PRKCQ: variants seen among roughly 807,000 people sequenced by gnomAD.
PRKCQ encodes protein kinase C theta, also known as protein kinase C theta type.
In PRKCQ, 41 loss-of-function variants were observed where a neutral mutation model predicts 91.2. The observed-to-expected ratio is 0.45, with a 90% CI of 0.35 to 0.58. The LOEUF is 0.58. PRKCQ is among the 20% of genes least tolerant of loss of function. The pLI is 0.00. For synonymous variants in PRKCQ, 307 were observed against 316.9 expected, an observed-to-expected ratio of 0.97 and a Z score of 0.33; for missense variants, 673 against 896.5, an observed-to-expected ratio of 0.75 and a Z score of 3.18.
rs191916091 is a variant in PRKCQ, at chr10:6,508,671, C to T, written c.319-1175G>A. On this transcript the variant is annotated intron_variant, in intron 3 of 17. Transcript: ENST00000263125. ...TGTGAATAAGGAGTAAAGATGGAGG[C>T]AAAAATGGAGATGGAAGAGCTATGG... Among the ~76,000 whole-genome samples, 8 of 152,136 alleles carry T rather than the reference C, an allele frequency of 5.3e-5. No individual in the cohort carries two copies. The East Asian group carries it at 1.5e-3, about 29-fold the overall frequency.
intron 15 of PRKCQ, among the ~76,000 whole-genome samples, chr10:6,451,199 AAG>A (rs1351907200): frequency 2.7e-5 from 4 of 149,400 alleles, no homozygotes; most frequent in Non-Finnish European, 4.4e-5. Context: ...TAAAGAAAAA[AAG>A]AGAGAAGAAT....
intron 1 of PRKCQ, among the ~76,000 whole-genome samples, chr10:6,536,563 T>A (rs1839589034): frequency 6.6e-6 from 1 of 152,220 alleles, no homozygotes. Context: ...AAATACGATT[T>A]TATTATTATG....
At chr10:6,538,930 A>AT (rs1839679745) in intron 1 of PRKCQ, among the ~76,000 whole-genome samples, 1 of 151,944 alleles carries the variant, frequency 6.6e-6, no homozygotes, top group East Asian at 1.9e-4. Flanking sequence ...CGCCCAGCTA[A>AT]TTTTTTGTAT....
intron 4 of PRKCQ, among the ~76,000 whole-genome samples, chr10:6,499,915 C>T (rs906664160): frequency 6.6e-6 from 1 of 152,160 alleles, no homozygotes; most frequent in African/African-American, 2.4e-5. Flanking sequence ...CAGCCACATC[C>T]CAGGACACAT....
intron 4 of PRKCQ, among the ~76,000 whole-genome samples, chr10:6,499,545 T>G (rs1258536871): frequency 6.6e-6 from 1 of 152,066 alleles, no homozygotes; most frequent in Non-Finnish European, 1.5e-5. Context: ...TCCACTGCTG[T>G]AACAAAAATG....
Position 6,571,757 on chromosome 10 carries a change from T to C in PRKCQ, c.-10+8454A>G, listed in dbSNP as rs735238. Reference sequence around the variant, plus strand: ...AGGCAGATGTTGCAGTGAGCCGAGATTGAGTCACAGCACTCCAACCTGAGC... The same window carrying C: ...AGGCAGATGTTGCAGTGAGCCGAGACTGAGTCACAGCACTCCAACCTGAGC... On this transcript the variant is annotated intron_variant, in intron 1 of 17. Coordinates refer to ENST00000263125, the MANE Select transcript of PRKCQ (RefSeq NM_006257.5). Among the ~76,000 whole-genome samples, 1,444 of 152,142 alleles carry C rather than the reference T, an allele frequency of 9.5e-3. 26 individuals are homozygous for C. The highest frequency in any genetic ancestry group is 0.033 in the African/African-American group (1,383 of 41,476).
At chr10:6,397,284 C>T in the PRKCQ span, among the ~76,000 whole-genome samples, 2 of 152,034 alleles carry the variant, frequency 1.3e-5, no homozygotes, top group African/African-American at 2.4e-5. Flanking sequence ...GTAGTAGAGA[C>T]GGGGTTTCAC....
intron 11 of PRKCQ, 70 bp from the exon 12 acceptor site, chr10:6,479,235 T>C: frequency 6.4e-7 from 1 of 1,553,340 alleles, no homozygotes; most frequent in Admixed American, 1.7e-5. Flanking sequence ...AGAGACAGAG[T>C]CCTGAGAGAC....
At chr10:6,419,463 C>A in the PRKCQ span, among the ~76,000 whole-genome samples, 1 of 145,716 alleles carries the variant, frequency 6.9e-6, no homozygotes, top group Non-Finnish European at 1.6e-5. Context: ...CACACACATA[C>A]CCTCCATGCT....
chr10:6,472,190 C>T (rs1325902841), intron 12 of PRKCQ, among the ~76,000 whole-genome samples: 1 of 151,934 alleles, frequency 6.6e-6, no homozygotes, highest in African/African-American at 2.4e-5. Context: ...CGCCTGTAGT[C>T]CCAGCTACTT....
intron 1 of PRKCQ, among the ~76,000 whole-genome samples, chr10:6,526,189 C>T (rs1571966): frequency 6.6e-6 from 1 of 152,200 alleles, no homozygotes; most frequent in African/African-American, 2.4e-5. Flanking sequence ...ATTCTTTCTT[C>T]TTCTTCCTCA....
At chr10:6,501,587 C>T (rs1223634469) in intron 4 of PRKCQ, among the ~76,000 whole-genome samples, 2 of 151,574 alleles carry the variant, frequency 1.3e-5, no homozygotes, top group Admixed American at 6.6e-5. Context: ...TTTGGGAGGC[C>T]GAGGCAGGCA....
chr10:6,509,699 A>T (rs1361416310), intron 3 of PRKCQ, among the ~76,000 whole-genome samples: 1 of 152,164 alleles, frequency 6.6e-6, no homozygotes, highest in Admixed American at 6.5e-5. Flanking sequence ...ATGAGCCACC[A>T]CACCCGGCCC....
chr10:6,458,200 C>T (rs1363616527), intron 14 of PRKCQ, among the ~76,000 whole-genome samples: 2 of 152,186 alleles, frequency 1.3e-5, no homozygotes, highest in African/African-American at 4.8e-5. Flanking sequence ...ACTCAAAATG[C>T]TGGGATTATA....
intron 11 of PRKCQ, among the ~76,000 whole-genome samples, chr10:6,482,824 C>A (rs1191581468): frequency 6.6e-6 from 1 of 151,578 alleles, no homozygotes; most frequent in Non-Finnish European, 1.5e-5. Flanking sequence ...TGTAGGGAAA[C>A]TCCTCTTTAT....
chr10:6,433,573 G>A (rs535990896), intron 16 of PRKCQ, among the ~76,000 whole-genome samples: 13 of 151,994 alleles, frequency 8.6e-5, no homozygotes, highest in East Asian at 5.8e-4. Flanking sequence ...CCAAGTTCAC[G>A]GTAAGATATA....
At chr10:6,425,757 C>T (rs1833103984), downstream of PRKCQ, among the ~76,000 whole-genome samples, 1 of 151,940 alleles carries the variant, frequency 6.6e-6, no homozygotes, top group Admixed American at 6.5e-5. Flanking sequence ...GAGTTCAAGA[C>T]CAGCCTAGGA....
At chr10:6,396,640 G>A in the PRKCQ span, among the ~76,000 whole-genome samples, 14 of 152,298 alleles carry the variant, frequency 9.2e-5, no homozygotes, top group East Asian at 1.9e-3. Flanking sequence ...GCTGAGTAGC[G>A]TTCTGTTGTG....
chr10:6,529,570 C>T (rs141829023), intron 1 of PRKCQ, among the ~76,000 whole-genome samples: 2 of 152,286 alleles, frequency 1.3e-5, no homozygotes, highest in African/African-American at 4.8e-5. Context: ...GAGGCTTTGC[C>T]ATTCTCGAAC....
Sources: gnomAD v4.1 joint callset for allele counts (sites outside exome capture counted in the v4.1 genomes callset) on GRCh38, gnomAD v4.1.1 for gene constraint, MANE v1.5 for transcripts, NCBI Gene and HGNC (gene_info 2026-07-23, HGNC 2026-07-21) for gene names.